CAMK1D: variants seen among roughly 807,000 people sequenced by gnomAD.
CAMK1D encodes the protein calcium/calmodulin dependent protein kinase ID, also known as calcium/calmodulin-dependent protein kinase type 1D.
CAMK1D carries 9 observed loss-of-function variants against 47.7 expected under a neutral mutation model. The observed-to-expected ratio is 0.19, with a 90% CI of 0.11 to 0.33. The LOEUF is 0.33. Ranked by LOEUF, CAMK1D falls within the 10% of genes least tolerant of loss-of-function variation. The pLI is 1.00. For synonymous variants in CAMK1D, 184 were observed against 184.9 expected (o/e 0.99, Z 0.04); for missense variants, 291 against 488.7 (o/e 0.60, Z 3.81).
At chr10:12,789,408 T>C (rs1009479476) in intron 5 of CAMK1D, among the ~76,000 whole-genome samples, 1 of 152,216 alleles carries the variant, frequency 6.6e-6, no homozygotes, top group Non-Finnish European at 1.5e-5. Context: ...AAGGATCAGA[T>C]TGACCTGGTT....
At chr10:12,604,634 T>C (rs537060680) in intron 2 of CAMK1D, among the ~76,000 whole-genome samples, 1 of 148,966 alleles carries the variant, frequency 6.7e-6, no homozygotes, top group Admixed American at 6.6e-5. Flanking sequence ...GCAAGTGATA[T>C]TTTGAGCATT....
intron 1 of CAMK1D, among the ~76,000 whole-genome samples, chr10:12,494,960 T>G: frequency 6.6e-6 from 1 of 152,226 alleles, no homozygotes; most frequent in Admixed American, 6.5e-5. Flanking sequence ...GATCTAGTGA[T>G]ACAGCTGATT....
In CAMK1D at chr10:12,829,935, C is replaced by G. The variant is rs1181081551; in HGVS notation, c.*1048C>G. 6.6e-6 allele frequency: 1 copy of G among 152,274 alleles called. No individual in the cohort carries two copies. Among genetic ancestry groups the G allele is most frequent in the Non-Finnish European group, 1.5e-5 (1 of 68,164 alleles). The allele number at this position is 152,274 out of a possible 1,614,324, so 9.4% of individuals were successfully genotyped here. ...CTGGCAACCCATCCAGCAGAACCCA[C>G]ACCCACCAGAGACCCTAGAGGCCTC... On this transcript the variant is annotated 3_prime_UTR_variant, in exon 11 of 11. Transcript: ENST00000619168.
intron 1 of CAMK1D, among the ~76,000 whole-genome samples, chr10:12,425,277 T>TTTCC (rs1329808187): frequency 6.6e-6 from 1 of 150,568 alleles, no homozygotes; most frequent in Non-Finnish European, 1.5e-5. Context: ...TCTTTCTTTC[T>TTTCC]TTCTTTCTTT....
intron 2 of CAMK1D, among the ~76,000 whole-genome samples, chr10:12,621,207 C>G (rs963434353): frequency 6.6e-6 from 1 of 151,160 alleles, no homozygotes; most frequent in Admixed American, 6.6e-5. Flanking sequence ...TATAATGGGT[C>G]GAGTAGTCTT....
chr10:12,601,709 G>T (rs1215405831), intron 2 of CAMK1D, among the ~76,000 whole-genome samples: 2 of 152,146 alleles, frequency 1.3e-5, no homozygotes, highest in South Asian at 4.1e-4. Context: ...TGATCCGCCC[G>T]CCTCGGCCTC....
At chr10:12,554,715 T>C (rs551603886) in intron 2 of CAMK1D, among the ~76,000 whole-genome samples, 1 of 122,020 alleles carries the variant, frequency 8.2e-6, no homozygotes, top group Admixed American at 7.9e-5. Flanking sequence ...TAAAAAAAAA[T>C]TTTTTTTTTA....
intron 1 of CAMK1D, among the ~76,000 whole-genome samples, chr10:12,506,917 C>T (rs1834895059): frequency 6.6e-6 from 1 of 152,176 alleles, no homozygotes; most frequent in African/African-American, 2.4e-5. Context: ...TAGCGTGATG[C>T]TCCATGAATG....
chr10:12,742,543 C>A (rs757096673), intron 3 of CAMK1D, among the ~76,000 whole-genome samples: 1 of 152,172 alleles, frequency 6.6e-6, no homozygotes, highest in East Asian at 1.9e-4. Flanking sequence ...AGTTTCAGAA[C>A]GTTTTCATCA....
At chr10:12,409,859 G>A (rs1391157105) in intron 1 of CAMK1D, among the ~76,000 whole-genome samples, 4 of 152,096 alleles carry the variant, frequency 2.6e-5, no homozygotes, top group Non-Finnish European at 5.9e-5. Context: ...CGGTAGCTCC[G>A]CAGTACCTCC....
intron 5 of CAMK1D, among the ~76,000 whole-genome samples, chr10:12,777,652 G>A (rs1837318013): frequency 6.6e-6 from 1 of 152,176 alleles, no homozygotes; most frequent in Non-Finnish European, 1.5e-5. Flanking sequence ...GGGATTACAG[G>A]CGTGAGCCAC....
At chr10:12,777,170 G>A (rs1837285774) in intron 5 of CAMK1D, among the ~76,000 whole-genome samples, 1 of 152,116 alleles carries the variant, frequency 6.6e-6, no homozygotes, top group African/African-American at 2.4e-5. Flanking sequence ...GGGGACATCA[G>A]GGTGGAGAGG....
intron 1 of CAMK1D, among the ~76,000 whole-genome samples, chr10:12,545,454 A>T (rs1836333642): frequency 1.4e-4 from 6 of 43,132 alleles, no homozygotes; most frequent in Non-Finnish European, 2.0e-4. Context: ...ATCTCACAGT[A>T]AAAAAAAAAA....
intron 2 of CAMK1D, among the ~76,000 whole-genome samples, chr10:12,648,458 T>C (rs1328297940): frequency 2.0e-5 from 3 of 152,146 alleles, no homozygotes; most frequent in Non-Finnish European, 4.4e-5. Context: ...TCGCTTGCTA[T>C]TTATTTATTT....
chr10:12,492,233 G>T (rs1465014846), intron 1 of CAMK1D, among the ~76,000 whole-genome samples: 1 of 151,760 alleles, frequency 6.6e-6, no homozygotes, highest in African/African-American at 2.4e-5. Context: ...ACGGTGCCAG[G>T]TTTGTGGCAG....
At chr10:12,584,035 C>T (rs905568023) in intron 2 of CAMK1D, among the ~76,000 whole-genome samples, 1 of 152,168 alleles carries the variant, frequency 6.6e-6, no homozygotes, top group Non-Finnish European at 1.5e-5. Flanking sequence ...ACAGTTTCTT[C>T]ACCCTGGGAG....
intron 1 of CAMK1D, among the ~76,000 whole-genome samples, chr10:12,538,590 C>T (rs2815640): frequency 0.43 from 65,288 of 151,896 alleles, 14,433 homozygotes; most frequent in East Asian, 0.69. Flanking sequence ...TGCTGACATA[C>T]GCATTGTCTT....
intron 1 of CAMK1D, among the ~76,000 whole-genome samples, chr10:12,497,092 G>A (rs896188671): frequency 2.0e-5 from 3 of 152,058 alleles, no homozygotes; most frequent in Non-Finnish European, 2.9e-5. Flanking sequence ...TGGCTTCATC[G>A]TATTCCATGG....
chr10:12,351,171 C>G (rs1837345132), intron 1 of CAMK1D, among the ~76,000 whole-genome samples: 1 of 152,168 alleles, frequency 6.6e-6, no homozygotes. Flanking sequence ...CTTTCCCAGT[C>G]CTGCTTCTGA....
Sources: allele counts gnomAD v4.1 joint callset (sites outside exome capture counted in the v4.1 genomes callset), GRCh38; gene constraint gnomAD v4.1.1; transcripts MANE v1.5; gene names NCBI Gene and HGNC (gene_info 2026-07-23, HGNC 2026-07-21).